The following PALM2AKAP2 variants were observed in gnomAD, a reference collection of about 807,000 sequenced individuals.
The protein encoded by PALM2AKAP2 is PALM2-AKAP2 fusion protein.
PALM2AKAP2 carries 37 observed loss-of-function variants against 71.5 expected under a neutral mutation model. That is an observed-to-expected ratio of 0.52 (90% CI 0.40 to 0.68). PALM2AKAP2 has a LOEUF of 0.68. Among genes scored for constraint, PALM2AKAP2 ranks in the 30% least tolerant of loss-of-function variants. PALM2AKAP2 has a pLI of 0.00. For missense variants in PALM2AKAP2, 1,224 were observed against 1,191.8 expected, an observed-to-expected ratio of 1.03 and a Z score of -0.40; for synonymous variants, 468 against 478.8, an observed-to-expected ratio of 0.98 and a Z score of 0.29.
intron 1 of PALM2AKAP2, among the ~76,000 whole-genome samples, chr9:109,701,688 G>C (rs2118583182): frequency 6.6e-6 from 1 of 152,192 alleles, no homozygotes; most frequent in Non-Finnish European, 1.5e-5. Context: ...GCATGGGCAA[G>C]GACTTCATGT....
chr9:109,892,003 A>T (rs773022983), intron 3 of PALM2AKAP2, among the ~76,000 whole-genome samples: 25 of 152,156 alleles, frequency 1.6e-4, no homozygotes, highest in Non-Finnish European at 2.9e-5. Context: ...CATCCCTAAG[A>T]TATAACTCCT....
intron 1 of PALM2AKAP2, among the ~76,000 whole-genome samples, chr9:109,678,705 C>G (rs1827683859): frequency 6.6e-6 from 1 of 152,090 alleles, no homozygotes; most frequent in Non-Finnish European, 1.5e-5. Context: ...AAGAGGAAAT[C>G]ATTGTTAGTC....
intron 1 of PALM2AKAP2, among the ~76,000 whole-genome samples, chr9:109,863,525 A>G (rs1247352500): frequency 6.6e-6 from 1 of 152,138 alleles, no homozygotes; most frequent in African/African-American, 2.4e-5. Context: ...CTGCAGCTCA[A>G]AGGAGAGGTA....
intron 3 of PALM2AKAP2, among the ~76,000 whole-genome samples, chr9:109,911,110 C>T (rs1351454234): frequency 6.6e-6 from 1 of 152,052 alleles, no homozygotes; most frequent in Admixed American, 6.5e-5. Flanking sequence ...AACAGACAGT[C>T]TGAGTCAGAG....
intron 1 of PALM2AKAP2, among the ~76,000 whole-genome samples, chr9:109,694,328 T>C (rs140067927): frequency 4.6e-4 from 70 of 152,228 alleles, no homozygotes; most frequent in African/African-American, 1.7e-3. Context: ...ATAATTTGTA[T>C]GTGTCACACA....
chr9:109,814,026 C>G (rs756751711), intron 1 of PALM2AKAP2, among the ~76,000 whole-genome samples: 1 of 152,222 alleles, frequency 6.6e-6, no homozygotes, highest in Non-Finnish European at 1.5e-5. Context: ...TTGACTTTGA[C>G]CCTACCTTTG....
exon 3 of PALM2AKAP2, chr9:110,156,385 T>C: frequency 6.2e-7 from 1 of 1,612,344 alleles, no homozygotes; most frequent in Non-Finnish European, 8.5e-7. Context: ...CAGCCTGACT[T>C]AGCCCCTGAA....
chr9:110,162,714 T>C (rs1172505358), intron 3 of PALM2AKAP2, among the ~76,000 whole-genome samples: 2 of 152,130 alleles, frequency 1.3e-5, no homozygotes, highest in African/African-American at 4.8e-5. Context: ...AAAGCCTCCT[T>C]GTTTAAGAGA....
intron 6 of PALM2AKAP2, among the ~76,000 whole-genome samples, chr9:110,010,416 T>C (rs1489053597): frequency 6.7e-6 from 1 of 148,908 alleles, no homozygotes; most frequent in Non-Finnish European, 1.5e-5. Flanking sequence ...TCTATTTCTA[T>C]ATATAGAGAT....
chr9:109,906,627 T>C (rs1243614754), intron 3 of PALM2AKAP2, among the ~76,000 whole-genome samples: 1 of 152,260 alleles, frequency 6.6e-6, no homozygotes, highest in African/African-American at 2.4e-5. Flanking sequence ...GGAACCTTCT[T>C]GCTTCCCACA....
At chr9:109,963,049 G>GGAACTTTAGGAGTTAT (rs1831880906) in intron 6 of PALM2AKAP2, among the ~76,000 whole-genome samples, 1 of 152,168 alleles carries the variant, frequency 6.6e-6, no homozygotes, top group Non-Finnish European at 1.5e-5. Context: ...ACTCTGGTCT[G>GGAACTTTAGGAGTTAT]GAACTTTAGG....
At chr9:110,030,450 A>G (rs911183152) in intron 7 of PALM2AKAP2, among the ~76,000 whole-genome samples, 1 of 152,194 alleles carries the variant, frequency 6.6e-6, no homozygotes, top group Non-Finnish European at 1.5e-5. Flanking sequence ...TCACAGAACC[A>G]TTTCATCCTG....
chr9:109,851,901 G>C (rs1660978867), intron 1 of PALM2AKAP2, among the ~76,000 whole-genome samples: 1 of 152,040 alleles, frequency 6.6e-6, no homozygotes, highest in Admixed American at 6.6e-5. Flanking sequence ...AAAGCTGTGT[G>C]GTCTTTGTTC....
intron 1 of PALM2AKAP2, among the ~76,000 whole-genome samples, chr9:109,812,225 T>G (rs1268741784): frequency 6.6e-6 from 1 of 151,930 alleles, no homozygotes; most frequent in Non-Finnish European, 1.5e-5. Flanking sequence ...AATACTCCTC[T>G]GAGAAGGGAG....
At chr9:109,816,181 C>T (rs1015756632) in intron 1 of PALM2AKAP2, among the ~76,000 whole-genome samples, 3 of 152,178 alleles carry the variant, frequency 2.0e-5, no homozygotes, top group Non-Finnish European at 4.4e-5. Flanking sequence ...CACTCCAGGG[C>T]ACCTTATGTA....
chr9:109,703,537 C>T (rs2118589018), intron 1 of PALM2AKAP2, among the ~76,000 whole-genome samples: 1 of 151,840 alleles, frequency 6.6e-6, no homozygotes, highest in South Asian at 2.1e-4. Context: ...CAAGTATGTA[C>T]TTTTTTCAAA....
At chr9:109,927,553 G>C (rs1198911415) in intron 5 of PALM2AKAP2, among the ~76,000 whole-genome samples, 1 of 152,150 alleles carries the variant, frequency 6.6e-6, no homozygotes, top group East Asian at 1.9e-4. Context: ...GATAGCTGCT[G>C]GTGTCTGTGT....
chr9:109,826,852 A>G (rs540420908), intron 1 of PALM2AKAP2, among the ~76,000 whole-genome samples: 1 of 152,334 alleles, frequency 6.6e-6, no homozygotes, highest in South Asian at 2.1e-4. Context: ...GTAAACGGAC[A>G]TAATTGATCC....
At chr9:109,964,532 A>G (rs568242054) in intron 6 of PALM2AKAP2, among the ~76,000 whole-genome samples, 2 of 152,318 alleles carry the variant, frequency 1.3e-5, no homozygotes, top group Admixed American at 1.3e-4. Flanking sequence ...AAGGTCGCCA[A>G]CTTAACCCAA....
Sources: gnomAD v4.1 joint callset for allele counts (sites outside exome capture counted in the v4.1 genomes callset) on GRCh38, gnomAD v4.1.1 for gene constraint, MANE v1.5 for transcripts, NCBI Gene and HGNC (gene_info 2026-07-23, HGNC 2026-07-21) for gene names.